SLC5A4: variants seen among roughly 807,000 people sequenced by gnomAD.
SLC5A4 encodes solute carrier family 5 member 4.
Under a neutral mutation model 70.3 loss-of-function variants are expected in SLC5A4, and 55 were observed. That is an observed-to-expected ratio of 0.78 (90% confidence interval 0.63 to 0.98). SLC5A4 has a LOEUF of 0.98. SLC5A4 is among the 50% of genes least tolerant of loss of function. The pLI is 0.00. For missense variants in SLC5A4, 735 were observed against 839.2 expected, an observed-to-expected ratio of 0.88 and a Z score of 1.53; for synonymous variants, 268 against 305.7, an observed-to-expected ratio of 0.88 and a Z score of 1.29.
chr22:32,233,098 T>TC, intron 8 of SLC5A4, 64 bp from the exon 9 acceptor site: 1 of 1,556,194 alleles, frequency 6.4e-7, no homozygotes, highest in Non-Finnish European at 8.7e-7. Context: ...GCAGTCAGCG[T>TC]CCCTTTCCAG....
chr22:32,343,654 G>GA, the SLC5A4 span, among the ~76,000 whole-genome samples: 1 of 152,200 alleles, frequency 6.6e-6, no homozygotes, highest in African/African-American at 2.4e-5. Flanking sequence ...TAATCTTCAT[G>GA]CATAGCTACT....
At chr22:32,330,682 GGTGT>G in the SLC5A4 span, among the ~76,000 whole-genome samples, 1 of 93,220 alleles carries the variant, frequency 1.1e-5, no homozygotes, top group Non-Finnish European at 2.1e-5. Flanking sequence ...AGGGGGCTCT[GGTGT>G]GTGTGTTGGG....
At chr22:32,310,350 G>C in the SLC5A4 span, among the ~76,000 whole-genome samples, 221 of 152,240 alleles carry the variant, frequency 1.5e-3, 2 homozygotes, top group Non-Finnish European at 2.8e-3. Flanking sequence ...CTTGCCTGAG[G>C]TCCCGCTGCT....
the SLC5A4 span, among the ~76,000 whole-genome samples, chr22:32,310,164 G>T: frequency 6.6e-6 from 1 of 152,122 alleles, no homozygotes; most frequent in Non-Finnish European, 1.5e-5. Flanking sequence ...CTGTCTGTTT[G>T]GCAGTGACCT....
the SLC5A4 span, among the ~76,000 whole-genome samples, chr22:32,324,256 C>CATATGTGT: frequency 1.2e-4 from 17 of 139,516 alleles, no homozygotes; most frequent in South Asian, 3.4e-3. Flanking sequence ...TGTATATATA[C>CATATGTGT]ACACATATAT....
chr22:32,233,996 G>A (rs1925915637), intron 8 of SLC5A4, among the ~76,000 whole-genome samples: 1 of 152,182 alleles, frequency 6.6e-6, no homozygotes, highest in African/African-American at 2.4e-5. Flanking sequence ...GCTATTGGGA[G>A]GATGGGGGAA....
chr22:32,247,315 T>C (rs1042318917), intron 5 of SLC5A4, 96 bp downstream of exon 5: 1 of 746,316 alleles, frequency 1.3e-6, no homozygotes, highest in African/African-American at 1.7e-5. Context: ...CTTTAAAGGC[T>C]GTTGACAGTC....
At chr22:32,348,045 A>G in the SLC5A4 span, among the ~76,000 whole-genome samples, 9 of 152,148 alleles carry the variant, frequency 5.9e-5, no homozygotes, top group East Asian at 1.9e-4. Flanking sequence ...CATGGGGATA[A>G]TAACAGCATT....
the SLC5A4 span, among the ~76,000 whole-genome samples, chr22:32,283,620 A>G: frequency 6.6e-6 from 1 of 152,232 alleles, no homozygotes; most frequent in Non-Finnish European, 1.5e-5. Context: ...ACAGAAGTTC[A>G]CCATTACATA....
chr22:32,275,207 G>A, the SLC5A4 span, among the ~76,000 whole-genome samples: 2 of 152,120 alleles, frequency 1.3e-5, no homozygotes, highest in South Asian at 4.1e-4. Flanking sequence ...AACAAAAGGG[G>A]ACCACAATTT....
In SLC5A4 at chr22:32,238,993, G is replaced by A; in HGVS notation, c.575C>T (p.Thr192Ile). 2 of 1,611,086 alleles carry A rather than the reference G, an allele frequency of 1.2e-6. No individual in the cohort carries two copies. The highest frequency in any genetic ancestry group is 8.5e-7 in the Non-Finnish European group (1 of 1,177,208). ...FILLAMTAVY[T>I]TTGGLASVIY... ...ATATGCAACATACTTACCAGTGGTG[G>A]TGTAAACAGCAGTCATAGCCAAGAG... is the stretch of plus-strand genomic sequence containing the variant. Residue 192 changes from threonine to isoleucine, a missense_variant, in exon 6 of 15, where the codon ACC becomes ATC. Coordinates refer to ENST00000266086, the MANE Select transcript of SLC5A4 (RefSeq NM_014227.3).
intron 9 of SLC5A4, 128 bp downstream of exon 9, chr22:32,232,771 T>C: frequency 8.4e-7 from 1 of 1,192,650 alleles, no homozygotes; most frequent in South Asian, 1.6e-5. Flanking sequence ...TGCAGGCTGC[T>C]CCCTCCACCT....
upstream of SLC5A4, among the ~76,000 whole-genome samples, chr22:32,255,847 T>C (rs1454266110): frequency 6.6e-6 from 1 of 152,048 alleles, no homozygotes; most frequent in African/African-American, 2.4e-5. Context: ...CAAAAAGACA[T>C]TGGTGGCCTG....
At chr22:32,339,859 G>C in the SLC5A4 span, among the ~76,000 whole-genome samples, 3 of 152,230 alleles carry the variant, frequency 2.0e-5, no homozygotes, top group African/African-American at 7.2e-5. Flanking sequence ...ACCAGGACTT[G>C]TTTCACTGAC....
the SLC5A4 span, among the ~76,000 whole-genome samples, chr22:32,303,272 C>G: frequency 2.5e-3 from 375 of 152,240 alleles, 4 homozygotes; most frequent in African/African-American, 8.9e-3. Context: ...TACATTGGTT[C>G]GGTCCAGAAA....
the SLC5A4 span, among the ~76,000 whole-genome samples, chr22:32,346,188 C>T: frequency 1.6e-4 from 24 of 152,208 alleles, no homozygotes; most frequent in East Asian, 3.7e-3. Flanking sequence ...GCAATTTATC[C>T]CTGAATTTCA....
chr22:32,315,984 T>G, the SLC5A4 span, among the ~76,000 whole-genome samples: 1 of 151,488 alleles, frequency 6.6e-6, no homozygotes, highest in African/African-American at 2.4e-5. Context: ...CTGGCCAACA[T>G]GATGAAACCC....
chr22:32,336,840 G>C, the SLC5A4 span, among the ~76,000 whole-genome samples: 1 of 152,250 alleles, frequency 6.6e-6, no homozygotes, highest in East Asian at 1.9e-4. Flanking sequence ...TTAAGGGCAG[G>C]GGCCTGGCCT....
chr22:32,313,978 G>A, the SLC5A4 span, among the ~76,000 whole-genome samples: 1 of 152,184 alleles, frequency 6.6e-6, no homozygotes, highest in Non-Finnish European at 1.5e-5. Context: ...AATTGCAACT[G>A]GTGACAGTTC....
Sources: allele counts gnomAD v4.1 joint callset (sites outside exome capture counted in the v4.1 genomes callset), GRCh38; gene constraint gnomAD v4.1.1; transcripts MANE v1.5; gene names NCBI Gene and HGNC (gene_info 2026-07-23, HGNC 2026-07-21).